KHDRBS2: variants seen among roughly 807,000 people sequenced by gnomAD.
KHDRBS2 encodes KH domain-containing, RNA-binding, signal transduction-associated protein 2.
A neutral mutation model predicts 44.3 loss-of-function variants in KHDRBS2; 26 were observed. The ratio of observed to expected loss-of-function variants is 0.59; its 90% CI spans 0.43 to 0.81. The LOEUF (loss-of-function observed/expected upper bound fraction) is 0.81. KHDRBS2 is among the 40% of genes least tolerant of loss of function. The pLI is 0.00. For missense variants in KHDRBS2, 476 were observed against 433.1 expected (o/e 1.10, Z -0.88); for synonymous variants, 194 against 151.1 (o/e 1.28, Z -2.08).
the KHDRBS2 span, among the ~76,000 whole-genome samples, chr6:61,658,520 A>G: frequency 6.6e-6 from 1 of 151,954 alleles, no homozygotes; most frequent in South Asian, 2.1e-4. Flanking sequence ...ACTTATCAAT[A>G]TGTTACACAT....
chr6:62,052,094 A>T (rs2127313938), intron 2 of KHDRBS2, among the ~76,000 whole-genome samples: 1 of 152,156 alleles, frequency 6.6e-6, no homozygotes, highest in Admixed American at 6.6e-5. Context: ...TAAATAAATT[A>T]AAAATAGAAC....
intron 4 of KHDRBS2, among the ~76,000 whole-genome samples, chr6:61,969,295 T>C (rs1404390551): frequency 2.0e-5 from 3 of 152,058 alleles, no homozygotes; most frequent in Non-Finnish European, 2.9e-5. Flanking sequence ...AAAAGGTTAT[T>C]CTCCTTGTAT....
the KHDRBS2 span, among the ~76,000 whole-genome samples, chr6:61,585,760 A>T: frequency 6.6e-6 from 1 of 152,194 alleles, no homozygotes; most frequent in East Asian, 1.9e-4. Flanking sequence ...TAGTCATCTT[A>T]CCTCACATAG....
chr6:62,060,207 G>T (rs976623850), intron 2 of KHDRBS2, among the ~76,000 whole-genome samples: 6 of 151,704 alleles, frequency 4.0e-5, no homozygotes, highest in Non-Finnish European at 8.8e-5. Context: ...AAATATTCAG[G>T]CACTTATTGA....
At chr6:62,179,214 G>A (rs1481679481) in intron 1 of KHDRBS2, among the ~76,000 whole-genome samples, 2 of 151,570 alleles carry the variant, frequency 1.3e-5, no homozygotes, top group Non-Finnish European at 3.0e-5. Flanking sequence ...AATCTACACT[G>A]CATAATTTTT....
chr6:61,593,355 C>T, the KHDRBS2 span, among the ~76,000 whole-genome samples: 2 of 151,920 alleles, frequency 1.3e-5, no homozygotes, highest in Admixed American at 1.3e-4. Flanking sequence ...TCTGGAGAGT[C>T]ACAGCCAGAT....
In KHDRBS2 at chr6:62,212,405, A is replaced by G. The variant is rs77380545; in HGVS notation, c.92-35093T>C. Among the ~76,000 whole-genome samples, 272 of 152,186 alleles carry G rather than the reference A, an allele frequency of 1.8e-3. 6 individuals are homozygous for G. In the East Asian group the frequency reaches 0.047, roughly 26 times the overall value. ...ATATGAGAGATAAGGAGGAAAGGGG[A>G]GAGAGGGAGATGGTATGGGTTGAAT... On this transcript the variant is annotated intron_variant, in intron 1 of 8. Coordinates refer to ENST00000281156, the MANE Select transcript of KHDRBS2 (RefSeq NM_152688.4).
At position 61,993,673 on chromosome 6, in the gene KHDRBS2, ATTTTTT is replaced by A. The variant is rs200474893; in HGVS notation, c.337-15467_337-15462del. Among the ~76,000 whole-genome samples the A allele has an allele frequency of 6.5e-4, 75 of 115,660 alleles. 1 individual carries two copies. The highest frequency in any genetic ancestry group is 2.1e-3 in the African/African-American group (64 of 30,976). The allele number at this position is 115,660 out of a possible 152,430, so 75.9% of individuals were successfully genotyped here. A position where few individuals can be genotyped will look rare whatever the true frequency, so the allele number is the denominator to read the frequency against. On this transcript the variant is annotated intron_variant, in intron 3 of 8. Coordinates refer to ENST00000281156, the MANE Select transcript of KHDRBS2 (RefSeq NM_152688.4). Reference sequence around the variant, plus strand: ...ATCATATATATATATATATATATATATTTTTTTTTTTTGATGTGAGCTTATATATTT... The same window carrying A: ...ATCATATATATATATATATATATATATTTTTTGATGTGAGCTTATATATTT...
chr6:61,570,049 C>T, the KHDRBS2 span, among the ~76,000 whole-genome samples: 2 of 152,070 alleles, frequency 1.3e-5, no homozygotes, highest in Non-Finnish European at 2.9e-5. Flanking sequence ...CACACTAGAT[C>T]TTCAGCAATG....
chr6:61,628,482 G>T, the KHDRBS2 span, among the ~76,000 whole-genome samples: 1 of 151,942 alleles, frequency 6.6e-6, no homozygotes. Context: ...TGTCTCCTAC[G>T]TACCTCTTCA....
At chr6:61,971,810 C>T (rs1771484545) in intron 4 of KHDRBS2, among the ~76,000 whole-genome samples, 1 of 152,136 alleles carries the variant, frequency 6.6e-6, no homozygotes, top group Admixed American at 6.6e-5. Flanking sequence ...TCCTTAAACA[C>T]ATTACTATCC....
chr6:61,795,167 A>AG (rs1785152463), intron 6 of KHDRBS2, among the ~76,000 whole-genome samples: 1 of 151,552 alleles, frequency 6.6e-6, no homozygotes, highest in Non-Finnish European at 1.5e-5. Flanking sequence ...AAAAAAAAAA[A>AG]AAAGAAAAAC....
intron 6 of KHDRBS2, among the ~76,000 whole-genome samples, chr6:61,872,246 G>C (rs1041992176): frequency 6.6e-6 from 1 of 152,004 alleles, no homozygotes; most frequent in African/African-American, 2.4e-5. Flanking sequence ...AGCAATCTTA[G>C]TTCCCTGTGT....
chr6:62,241,714 T>A (rs761762606), intron 1 of KHDRBS2, among the ~76,000 whole-genome samples: 5 of 152,170 alleles, frequency 3.3e-5, no homozygotes, highest in Non-Finnish European at 7.4e-5. Context: ...ACCACAGGGA[T>A]AATAAAGCAG....
intron 6 of KHDRBS2, among the ~76,000 whole-genome samples, chr6:61,849,968 C>T (rs544935): frequency 0.65 from 99,513 of 151,940 alleles, 33,842 homozygotes; most frequent in African/African-American, 0.85. Flanking sequence ...TGAACTTTGA[C>T]AAACAAAAAT....
the KHDRBS2 span, among the ~76,000 whole-genome samples, chr6:61,650,680 T>C: frequency 6.6e-6 from 1 of 151,946 alleles, no homozygotes. Flanking sequence ...ATGAACACAT[T>C]TGAAAATCAT....
the KHDRBS2 span, among the ~76,000 whole-genome samples, chr6:61,624,123 A>T: frequency 0.016 from 2,415 of 152,330 alleles, 171 homozygotes; most frequent in Admixed American, 0.12. Flanking sequence ...AGAATTTTGT[A>T]TCATATGTCA....
the KHDRBS2 span, among the ~76,000 whole-genome samples, chr6:61,568,520 CA>C: frequency 5.9e-5 from 9 of 152,146 alleles, no homozygotes; most frequent in Middle Eastern, 3.4e-3. Context: ...ACCAAGAAAA[CA>C]GAAAAAAATC....
At chr6:61,835,749 G>GAA (rs1792571708) in intron 6 of KHDRBS2, among the ~76,000 whole-genome samples, 1 of 151,012 alleles carries the variant, frequency 6.6e-6, no homozygotes, top group Non-Finnish European at 1.5e-5. Flanking sequence ...GCATGAGAGA[G>GAA]AAAGATTGAG....
Sources: allele counts gnomAD v4.1 joint callset (sites outside exome capture counted in the v4.1 genomes callset), GRCh38; gene constraint gnomAD v4.1.1; transcripts MANE v1.5; gene names NCBI Gene and HGNC (gene_info 2026-07-23, HGNC 2026-07-21).